Variants in FAT3 observed in about 807,000 individuals in gnomAD.
The protein encoded by FAT3 is protocadherin Fat 3.
FAT3 carries 95 observed loss-of-function variants against 310.2 expected under a neutral mutation model. The observed-to-expected ratio is 0.31, with a 90% CI of 0.26 to 0.36. FAT3 has a LOEUF of 0.36. FAT3 is among the 10% of genes least tolerant of loss of function. The pLI is 1.00. For synonymous variants in FAT3, 2,314 were observed against 2,192.9 expected (o/e 1.06, Z -1.54); for missense variants, 5,408 against 5,715.6 (o/e 0.95, Z 1.74).
At chr11:92,681,886 C>G (rs79593810) in intron 3 of FAT3, among the ~76,000 whole-genome samples, 1,650 of 152,298 alleles carry the variant, frequency 0.011, 31 homozygotes, top group African/African-American at 0.037. Context: ...CAATGCAAAG[C>G]AAGCTTAGCT....
chr11:92,444,768 G>T (rs1263008035), intron 2 of FAT3, among the ~76,000 whole-genome samples: 3 of 151,918 alleles, frequency 2.0e-5, no homozygotes, highest in African/African-American at 7.2e-5. Context: ...TGTGGCAGCT[G>T]TCAATGCATA....
At chr11:92,235,280 C>T (rs1202299498) in intron 1 of FAT3, among the ~76,000 whole-genome samples, 1 of 152,122 alleles carries the variant, frequency 6.6e-6, no homozygotes, top group African/African-American at 2.4e-5. Context: ...TTATCTCTCC[C>T]AACCCTCTCT....
chr11:92,825,174 C>T (rs1422548956), intron 13 of FAT3, among the ~76,000 whole-genome samples: 3 of 152,142 alleles, frequency 2.0e-5, no homozygotes, highest in Non-Finnish European at 4.4e-5. Flanking sequence ...TATATGTGTA[C>T]TGTGTGCATC....
chr11:92,422,686 G>T (rs1017073865), intron 2 of FAT3, among the ~76,000 whole-genome samples: 4 of 152,132 alleles, frequency 2.6e-5, no homozygotes, highest in Non-Finnish European at 5.9e-5. Flanking sequence ...GGTGTAGTAA[G>T]AGGAACAAAA....
intron 2 of FAT3, among the ~76,000 whole-genome samples, chr11:92,491,615 G>A (rs912558557): frequency 6.6e-6 from 1 of 152,084 alleles, no homozygotes; most frequent in Non-Finnish European, 1.5e-5. Context: ...GGGCTCTTTG[G>A]CATTGCTGTA....
chr11:92,584,498 T>C (rs937838383), intron 3 of FAT3, among the ~76,000 whole-genome samples: 1 of 152,052 alleles, frequency 6.6e-6, no homozygotes, highest in African/African-American at 2.4e-5. Context: ...TTTCATCTTA[T>C]TGTCCAAATG....
intron 4 of FAT3, among the ~76,000 whole-genome samples, chr11:92,710,020 A>G (rs987268292): frequency 4.6e-5 from 7 of 152,204 alleles, no homozygotes; most frequent in African/African-American, 7.2e-5. Context: ...AATTAGATGT[A>G]GGGCTAAGCT....
intron 2 of FAT3, among the ~76,000 whole-genome samples, chr11:92,451,995 A>G (rs1951366041): frequency 6.6e-6 from 1 of 152,204 alleles, no homozygotes; most frequent in African/African-American, 2.4e-5. Context: ...CCTTTATGGC[A>G]CTATTTTCTC....
At chr11:92,431,256 G>A (rs1352245816) in intron 2 of FAT3, among the ~76,000 whole-genome samples, 3 of 152,164 alleles carry the variant, frequency 2.0e-5, no homozygotes, top group East Asian at 3.9e-4. Flanking sequence ...TTTCTCTGAC[G>A]GCCAGTGATG....
chr11:92,427,362 C>A (rs768347849), intron 2 of FAT3, among the ~76,000 whole-genome samples: 4 of 152,156 alleles, frequency 2.6e-5, no homozygotes, highest in Non-Finnish European at 5.9e-5. Flanking sequence ...CCCTTTATTT[C>A]TTTCCCTTGC....
chr11:92,528,422 A>T (rs114411976), intron 3 of FAT3, among the ~76,000 whole-genome samples: 3,167 of 152,262 alleles, frequency 0.021, 123 homozygotes, highest in African/African-American at 0.071. Flanking sequence ...CAGTTCGCTC[A>T]GTCGCCCAGG....
chr11:92,738,400 C>T (rs1288432000), intron 4 of FAT3, among the ~76,000 whole-genome samples: 2 of 152,198 alleles, frequency 1.3e-5, no homozygotes, highest in East Asian at 1.9e-4. Context: ...TACTTTTGCA[C>T]ACAGCCTACA....
intron 2 of FAT3, among the ~76,000 whole-genome samples, chr11:92,492,741 G>A (rs919854964): frequency 6.6e-6 from 1 of 152,040 alleles, no homozygotes; most frequent in Non-Finnish European, 1.5e-5. Context: ...CCTGAGCTTT[G>A]TGACCTTGGG....
intron 1 of FAT3, among the ~76,000 whole-genome samples, chr11:92,311,399 A>C (rs1947301394): frequency 1.3e-5 from 2 of 152,116 alleles, no homozygotes; most frequent in South Asian, 4.1e-4. Flanking sequence ...AACACTTGTG[A>C]TGTGTGTTAC....
intron 4 of FAT3, among the ~76,000 whole-genome samples, chr11:92,754,941 C>T (rs1342450638): frequency 1.3e-5 from 2 of 152,028 alleles, no homozygotes; most frequent in African/African-American, 4.8e-5. Flanking sequence ...ACTTGAAGAA[C>T]ATTATGTTAA....
chr11:92,722,762 A>G (rs1356523893), intron 4 of FAT3, among the ~76,000 whole-genome samples: 1 of 152,172 alleles, frequency 6.6e-6, no homozygotes, highest in East Asian at 1.9e-4. Context: ...CACAGGCTCA[A>G]TACCACATGG....
chr11:92,835,767 A>G (rs969359383), intron 15 of FAT3, among the ~76,000 whole-genome samples: 2 of 152,176 alleles, frequency 1.3e-5, no homozygotes, highest in African/African-American at 4.8e-5. Context: ...GGCAGCTACA[A>G]TTTGGAGCAA....
At chr11:92,865,353 A>G (rs1190808919) in intron 21 of FAT3, among the ~76,000 whole-genome samples, 1 of 152,168 alleles carries the variant, frequency 6.6e-6, no homozygotes, top group East Asian at 1.9e-4. Context: ...GCTTCAGTCT[A>G]TTTCTGTGAA....
chr11:92,876,730 T>G (rs547268532), intron 22 of FAT3, among the ~76,000 whole-genome samples: 2 of 152,244 alleles, frequency 1.3e-5, no homozygotes, highest in African/African-American at 2.4e-5. Flanking sequence ...TGTGAACCTA[T>G]GAACACACAA....
Sources: gnomAD v4.1 joint callset for allele counts (sites outside exome capture counted in the v4.1 genomes callset) on GRCh38, gnomAD v4.1.1 for gene constraint, MANE v1.5 for transcripts, NCBI Gene and HGNC (gene_info 2026-07-23, HGNC 2026-07-21) for gene names.